The following COL4A6 variants were observed in gnomAD, a reference collection of about 807,000 sequenced individuals.
The protein encoded by COL4A6 is collagen alpha-6(IV) chain.
In COL4A6, 59 loss-of-function variants were observed where a neutral mutation model predicts 126.7. The observed-to-expected ratio is 0.47, with a 90% CI of 0.38 to 0.58. COL4A6 has a LOEUF of 0.58. COL4A6 is among the 20% of genes least tolerant of loss of function. The pLI, the probability that COL4A6 is intolerant of heterozygous loss-of-function variation, is 0.00. For missense variants in COL4A6, 1,285 were observed against 1,337.3 expected (o/e 0.96, Z 0.61); for synonymous variants, 547 against 496.6 (o/e 1.10, Z -1.35).
In COL4A6 at chrX:108,178,680, C is replaced by T. The variant is rs1189144511; in HGVS notation, c.2515+4G>A. 1 of 1,210,346 alleles carries T rather than the reference C, an allele frequency of 8.3e-7. No individual in the cohort carries two copies. On this transcript the variant is annotated splice_donor_region_variant and intron_variant, in intron 27 of 44. Coordinates refer to ENST00000334504, the MANE Select transcript of COL4A6 (RefSeq NM_033641.4). ...AGGTGGGACTCTTCCTCTGAAGGAC[C>T]TACCTGAGATGCCTGGGAAGCCTGG...
intron 3 of COL4A6, among the ~76,000 whole-genome samples, chrX:108,273,041 C>T (rs2037496085): frequency 1.8e-5 from 2 of 110,151 alleles, no homozygotes; most frequent in Middle Eastern, 4.7e-3. Flanking sequence ...CCCACTAACT[C>T]GTCATTTACA....
chrX:108,346,449 C>T (rs1401810851), intron 2 of COL4A6, among the ~76,000 whole-genome samples: 2 of 111,590 alleles, frequency 1.8e-5, no homozygotes, highest in African/African-American at 6.5e-5. Context: ...TGTTTTCCCA[C>T]CAAAAAGGTT....
Position 108,247,272 on chromosome X carries a change from T to C in COL4A6, c.145-25898A>G, listed in dbSNP as rs2036739839. 1.1e-4 allele frequency among the ~76,000 whole-genome samples: 12 copies of C among 112,036 alleles called. No individual in the cohort carries two copies. In the Admixed American group the frequency reaches 1.1e-3, roughly 11 times the overall value. On this transcript the variant is annotated intron_variant, in intron 3 of 44. Coordinates refer to ENST00000334504, the MANE Select transcript of COL4A6 (RefSeq NM_033641.4). ...GTTTCCTGTTTATAAAATGGAACGA[T>C]GTTAATAAGAGCACTTGTTTCCAGA... is the stretch of plus-strand genomic sequence containing the variant.
At chrX:108,165,660 A>C (rs897196403) in intron 37 of COL4A6, among the ~76,000 whole-genome samples, 174 bp from the exon 38 acceptor site, 1 of 111,899 alleles carries the variant, frequency 8.9e-6, no homozygotes, top group African/African-American at 3.2e-5. Flanking sequence ...CCCAGAAAGC[A>C]GACTAACTGA....
chrX:108,282,601 G>C (rs2037873943), intron 3 of COL4A6, among the ~76,000 whole-genome samples: 1 of 110,310 alleles, frequency 9.1e-6, no homozygotes, highest in African/African-American at 3.3e-5. Flanking sequence ...ATTCCTCAGG[G>C]ATCTAGAACT....
rs544879509 is a variant in COL4A6 at position 108,349,536 on chromosome X, G to A, written c.64-38708C>T. 7.6e-4 allele frequency among the ~76,000 whole-genome samples: 85 copies of A among 111,814 alleles called. 2 individuals are homozygous for A. The South Asian group carries it at 0.03, about 40-fold the overall frequency. ...TTTCTGAGCCTCCATTTCCTCATCT[G>A]TAAAATAATGATTATAATAATACTT... On this transcript the variant is annotated intron_variant, in intron 2 of 44. Coordinates refer to ENST00000334504, the MANE Select transcript of COL4A6 (RefSeq NM_033641.4).
chrX:108,274,584 GAGGCCAGAGCATC>G (rs2037546351), intron 3 of COL4A6, among the ~76,000 whole-genome samples: 1 of 111,999 alleles, frequency 8.9e-6, no homozygotes, highest in Non-Finnish European at 1.9e-5. Context: ...TGAAGCTCCA[GAGGCCAGAGCATC>G]AGGAATACAG....
rs752804303 is a variant in COL4A6, at chrX:108,203,958, G to T, written c.780+362C>A. ...ATGTGTTCTGTCACAGTACTTTGGG[G>T]ACACCATAAGTATTGAGAGGGTTGG... On this transcript the variant is annotated intron_variant, in intron 12 of 44. Transcript: ENST00000334504. Among the ~76,000 whole-genome samples, 414 of 85,018 alleles carry T rather than the reference G, an allele frequency of 4.9e-3. 3 individuals are homozygous for T. The highest frequency in any genetic ancestry group is 0.015 in the African/African-American group (388 of 26,350). The allele number at this position is 85,018 out of a possible 115,157, so 73.8% of individuals were successfully genotyped here.
chrX:108,267,637 A>G (rs2147748499), intron 3 of COL4A6: 1 of 108,869 alleles, frequency 9.2e-6, no homozygotes, highest in African/African-American at 3.3e-5. Context: ...ACATACACAC[A>G]TGTATATACA....
At chrX:108,269,669 G>C (rs2037398329) in intron 3 of COL4A6, among the ~76,000 whole-genome samples, 1 of 111,982 alleles carries the variant, frequency 8.9e-6, no homozygotes, top group African/African-American at 3.2e-5. Flanking sequence ...ACACATTTCA[G>C]ATGATTACAA....
At chrX:108,267,023 A>T (rs1335784246) in intron 3 of COL4A6, among the ~76,000 whole-genome samples, 1 of 112,067 alleles carries the variant, frequency 8.9e-6, no homozygotes, top group Non-Finnish European at 1.9e-5. Context: ...TCTGAAATGG[A>T]TGTCGCTGGG....
Position 108,418,497 on chromosome X carries a change from GA to G in COL4A6, c.63+19444del, listed in dbSNP as rs749799325. On this transcript the variant is annotated intron_variant, in intron 2 of 44. Transcript: ENST00000334504. ...TCATTTTGCACAAAATTTTCCACGAGAAAAAAAAATCAACCTGATAGCTACA... is the reference window on the plus strand; with the variant it reads ...TCATTTTGCACAAAATTTTCCACGAGAAAAAAAATCAACCTGATAGCTACA... Among the ~76,000 whole-genome samples, 445 of 109,258 alleles carry G rather than the reference GA, an allele frequency of 4.1e-3. 3 individuals carry two copies. Among genetic ancestry groups the G allele is most frequent in the African/African-American group, 0.013 (395 of 30,125 alleles). 94.9% of individuals were successfully genotyped at this position (109,258 alleles called of 115,157 possible).
intron 5 of COL4A6, among the ~76,000 whole-genome samples, chrX:108,215,066 G>A (rs2035821611): frequency 9.0e-6 from 1 of 111,721 alleles, no homozygotes; most frequent in African/African-American, 3.3e-5. Context: ...TCAATAAAAG[G>A]TAGATGTCCC....
chrX:108,170,074 AAGAGGTAGCT>A (rs2034255789), intron 35 of COL4A6, 58 bp from the exon 36 acceptor site: 1 of 1,000,321 alleles, frequency 1.0e-6, no homozygotes, highest in Non-Finnish European at 1.4e-6. Context: ...AAGCATCAGC[AAGAGGTAGCT>A]ACCTGCCCCC....
intron 3 of COL4A6, among the ~76,000 whole-genome samples, chrX:108,244,226 T>C (rs2036655815): frequency 9.0e-6 from 1 of 110,842 alleles, no homozygotes; most frequent in African/African-American, 3.3e-5. Context: ...TGTTCACTTC[T>C]AAGCAGCATT....
chrX:108,399,693 T>C (rs1175835176), intron 2 of COL4A6, among the ~76,000 whole-genome samples: 2 of 111,732 alleles, frequency 1.8e-5, no homozygotes, highest in East Asian at 2.8e-4. Context: ...AATAATCCAA[T>C]GATTCATCCT....
intron 3 of COL4A6, among the ~76,000 whole-genome samples, chrX:108,294,400 T>TG (rs1491251665): frequency 1.2e-5 from 1 of 81,069 alleles, no homozygotes; most frequent in African/African-American, 4.7e-5. Context: ...GGCAATTGTG[T>TG]TTTTTTTTTT....
At chrX:108,189,252 C>T (rs199903161) in intron 20 of COL4A6, among the ~76,000 whole-genome samples, 2 of 111,833 alleles carry the variant, frequency 1.8e-5, no homozygotes, top group East Asian at 5.6e-4. Context: ...TTGATGATTC[C>T]TAAAACTCTA....
At position 108,412,440 on chromosome X, in the gene COL4A6, C is replaced by T. The variant is rs745838473; in HGVS notation, c.63+25502G>A. Among the ~76,000 whole-genome samples the T allele has an allele frequency of 3.2e-3, 359 of 111,583 alleles. 1 individual carries two copies. The highest frequency in any genetic ancestry group is 0.011 in the African/African-American group (331 of 30,730). On this transcript the variant is annotated intron_variant, in intron 2 of 44. Coordinates refer to ENST00000334504, the MANE Select transcript of COL4A6 (RefSeq NM_033641.4). ...CAAGTCTAAACTTATTGTGCAAAGA[C>T]GCATTCTACTAAATCCAAGACTGCC...
Sources: gnomAD v4.1 joint callset for allele counts (sites outside exome capture counted in the v4.1 genomes callset) on GRCh38, gnomAD v4.1.1 for gene constraint, MANE v1.5 for transcripts, NCBI Gene and HGNC (gene_info 2026-07-23, HGNC 2026-07-21) for gene names.